ZW10: variants seen among roughly 807,000 people sequenced by gnomAD.
The protein encoded by ZW10 is centromere/kinetochore protein zw10 homolog.
In ZW10, 53 loss-of-function variants were observed where a neutral mutation model predicts 87.8. The ratio of observed to expected loss-of-function variants is 0.60; its 90% confidence interval spans 0.48 to 0.76. The LOEUF is 0.76. Among genes scored for constraint, ZW10 ranks in the 30% least tolerant of loss-of-function variants. The pLI is 0.00. For synonymous variants in ZW10, 312 were observed against 329.2 expected (o/e 0.95, Z 0.57); for missense variants, 837 against 923.0 (o/e 0.91, Z 1.21).
intron 7 of ZW10, among the ~76,000 whole-genome samples, chr11:113,752,743 T>A (rs1953746715): frequency 6.6e-6 from 1 of 152,178 alleles, no homozygotes; most frequent in African/African-American, 2.4e-5. Flanking sequence ...CATGTCTCTA[T>A]CTCCTAGGGT....
intron 15 of ZW10, among the ~76,000 whole-genome samples, chr11:113,735,583 T>C (rs576350085): frequency 6.6e-6 from 1 of 152,182 alleles, no homozygotes; most frequent in African/African-American, 2.4e-5. Flanking sequence ...CAAGTACCTA[T>C]AGGGATGGAG....
intron 12 of ZW10, among the ~76,000 whole-genome samples, chr11:113,738,835 G>C (rs1181040075): frequency 6.6e-6 from 1 of 152,124 alleles, no homozygotes; most frequent in Non-Finnish European, 1.5e-5. Flanking sequence ...AGATGGGGGA[G>C]CTGTCTTGGG....
chr11:113,738,812 T>C (rs763954691), intron 12 of ZW10, among the ~76,000 whole-genome samples: 1 of 152,132 alleles, frequency 6.6e-6, no homozygotes, highest in Non-Finnish European at 1.5e-5. Context: ...CAAGTAAAAC[T>C]AAGGGAGATG....
intron 8 of ZW10, 38 bp downstream of exon 8, chr11:113,748,219 A>T (rs759643425): frequency 1.3e-6 from 2 of 1,536,240 alleles, no homozygotes; most frequent in South Asian, 1.3e-5. Flanking sequence ...AAGAAACAAC[A>T]GTGTCTTAAA....
At chr11:113,736,586 G>T in intron 15 of ZW10, 34 bp downstream of exon 15, 2 of 1,604,752 alleles carry the variant, frequency 1.2e-6, no homozygotes, top group Non-Finnish European at 1.7e-6. Flanking sequence ...TAGCTATGGA[G>T]AGTTATATGC....
In ZW10 at chr11:113,758,679, T is replaced by C. The variant is rs775434218; in HGVS notation, c.608A>G (p.Gln203Arg). The C allele has an allele frequency of 6.2e-7, 1 of 1,614,084 alleles. No individual in the cohort carries two copies. The change falls in exon 6 of 16, where the codon CAA becomes CGA. Residue 203 changes from glutamine to arginine, a missense_variant. By Grantham distance (43) the Gln-to-Arg change is conservative. Transcript: ENST00000200135. ...KDTSSLESYL[Q>R]TELHLYTEQS... ...TTCAGTGTATAAATGAAGTTCAGTT[T>C]GTAGGTAAGATTCCAAACTGCTGGT...
Position 113,744,059 on chromosome 11 carries a change from A to C in ZW10, c.1273-19T>G. ...GAATAATCTAAGATTCAAACACAAAAATACAGAAAATATATTGTTTTCAGA... is the reference window on the plus strand; with the variant it reads ...GAATAATCTAAGATTCAAACACAAACATACAGAAAATATATTGTTTTCAGA... On this transcript the variant is annotated intron_variant, in intron 9 of 15. Transcript: ENST00000200135. 1.3e-6 allele frequency: 2 copies of C among 1,551,034 alleles called. No homozygotes were observed. The highest frequency in any genetic ancestry group is 8.9e-7 in the Non-Finnish European group (1 of 1,124,862).
At chr11:113,757,186 A>T (rs12575893) in intron 7 of ZW10, among the ~76,000 whole-genome samples, 19,888 of 152,194 alleles carry the variant, frequency 0.13, 1,423 homozygotes, top group South Asian at 0.2. Flanking sequence ...GATTTATGGA[A>T]TACAGAAACT....
intron 1 of ZW10, chr11:113,771,265 C>T (rs151143814): frequency 0.078 from 11,832 of 152,364 alleles, 557 homozygotes; most frequent in African/African-American, 0.13. Flanking sequence ...CGTGAGCCAC[C>T]GCACCTGGCT....
intron 11 of ZW10, among the ~76,000 whole-genome samples, chr11:113,740,711 C>T (rs1420450111): frequency 5.3e-5 from 8 of 152,210 alleles, no homozygotes; most frequent in Non-Finnish European, 1.2e-4. Flanking sequence ...CAGGCAACAT[C>T]AGCATCACCT....
intron 6 of ZW10, 45 bp downstream of exon 6, chr11:113,758,509 G>A: frequency 1.9e-6 from 3 of 1,586,320 alleles, no homozygotes; most frequent in Non-Finnish European, 2.6e-6. Flanking sequence ...TTAATACTGG[G>A]CCTCAGGAGA....
intron 11 of ZW10, among the ~76,000 whole-genome samples, chr11:113,741,436 A>G (rs1953617562): frequency 6.6e-6 from 1 of 152,272 alleles, no homozygotes; most frequent in Admixed American, 6.5e-5. Context: ...GAAAATGCTT[A>G]GCAGCAAAAC....
intron 6 of ZW10, 23 bp downstream of exon 6, chr11:113,758,531 T>C (rs771476585): frequency 1.5e-5 from 24 of 1,608,808 alleles, no homozygotes; most frequent in Middle Eastern, 1.7e-4. Flanking sequence ...TTTGTGTAAA[T>C]GAAACAAAGT....
intron 5 of ZW10, among the ~76,000 whole-genome samples, chr11:113,758,989 C>T (rs1164028553): frequency 4.6e-5 from 7 of 152,250 alleles, no homozygotes; most frequent in Admixed American, 1.3e-4. Context: ...GCCTGGGCAA[C>T]GTAGTGAGAC....
chr11:113,773,398 G>A (rs1383376463), intron 1 of ZW10, among the ~76,000 whole-genome samples, 164 bp downstream of exon 1: 1 of 151,402 alleles, frequency 6.6e-6, no homozygotes, highest in Non-Finnish European at 1.5e-5. Context: ...CACATTCTGG[G>A]CCCCTCCACT....
chr11:113,769,797 T>C (rs79445912), intron 1 of ZW10: 24,073 of 417,552 alleles, frequency 0.058, 880 homozygotes, highest in African/African-American at 0.13. Flanking sequence ...CTAAGCTGAC[T>C]TCTGATTCCA....
intron 7 of ZW10, among the ~76,000 whole-genome samples, chr11:113,755,054 C>A (rs1591417514): frequency 6.6e-6 from 1 of 152,178 alleles, no homozygotes; most frequent in African/African-American, 2.4e-5. Context: ...CGCCCAAGAA[C>A]TCTGATGGAG....
chr11:113,738,688 T>C (rs1373760168), intron 12 of ZW10, among the ~76,000 whole-genome samples: 1 of 152,188 alleles, frequency 6.6e-6, no homozygotes, highest in Non-Finnish European at 1.5e-5. Context: ...GATGTATCTA[T>C]ACCAACTAGG....
At chr11:113,748,123 A>G in intron 8 of ZW10, 134 bp downstream of exon 8, 1 of 753,324 alleles carries the variant, frequency 1.3e-6, no homozygotes, top group East Asian at 3.0e-5. Context: ...AGTTATATGG[A>G]ATTTGTCTCT....
Sources: allele counts gnomAD v4.1 joint callset (sites outside exome capture counted in the v4.1 genomes callset), GRCh38; gene constraint gnomAD v4.1.1; transcripts MANE v1.5; gene names NCBI Gene and HGNC (gene_info 2026-07-23, HGNC 2026-07-21).